The following TENM2 variants were observed in gnomAD, a reference collection of about 807,000 sequenced individuals.
TENM2 encodes teneurin-2.
In TENM2, 52 loss-of-function variants were observed where a neutral mutation model predicts 245.2. That is an observed-to-expected ratio of 0.21 (90% confidence interval 0.17 to 0.27). TENM2 has a LOEUF of 0.27. Ranked by LOEUF, TENM2 falls within the 10% of genes least tolerant of loss-of-function variation. The pLI is 1.00. For missense variants in TENM2, 3,046 were observed against 3,666.8 expected (o/e 0.83, Z 4.37); for synonymous variants, 1,363 against 1,438.9 (o/e 0.95, Z 1.19).
the TENM2 span, among the ~76,000 whole-genome samples, chr5:166,990,613 T>G: frequency 6.6e-6 from 1 of 152,170 alleles, no homozygotes; most frequent in Non-Finnish European, 1.5e-5. Flanking sequence ...CGGAGATGGT[T>G]TTTTACCGAC....
chr5:168,218,863 A>T lies in TENM2; in HGVS notation c.4972A>T (p.Thr1658Ser). The stretch of plus-strand genomic sequence containing the variant: ...GCTCATGCCTGACAACCAGATCATC[A>T]CCCTCACCGTGGGCACCAATGGAGG... The change falls in exon 23 of 29, where the codon ACC (threonine) becomes TCC (serine). Residue 1658 changes from threonine (T) to serine (S), a missense_variant. Around this residue, in one of 2 missense-constraint regions of TENM2, gnomAD observed 2,704 missense variants for 3,331.9 expected, o/e 0.81. Transcript: ENST00000518659. This position sits in a 1 kb window ranked among gnomAD's most constrained non-coding sequence, Gnocchi z 5.2. 1 of 1,613,886 alleles carries T rather than the reference A, an allele frequency of 6.2e-7. No individual in the cohort carries two copies. The highest frequency in any genetic ancestry group is 8.5e-7 in the Non-Finnish European group (1 of 1,179,876).
chr5:166,984,553 T>C, the TENM2 span, among the ~76,000 whole-genome samples: 1 of 152,122 alleles, frequency 6.6e-6, no homozygotes, highest in Non-Finnish European at 1.5e-5. Flanking sequence ...AAATAATTAC[T>C]TCAGAAAATT....
At chr5:167,602,815 A>C (rs1358583097) in intron 2 of TENM2, among the ~76,000 whole-genome samples, 1 of 152,194 alleles carries the variant, frequency 6.6e-6, no homozygotes, top group African/African-American at 2.4e-5. Flanking sequence ...TGCATAAACA[A>C]GGGGCAAAAG....
intron 2 of TENM2, among the ~76,000 whole-genome samples, chr5:167,701,324 G>A (rs546117721): frequency 7.2e-5 from 11 of 151,826 alleles, no homozygotes; most frequent in Admixed American, 2.6e-4. Flanking sequence ...ATGAAGTTAT[G>A]AATCTATGAA....
chr5:167,357,752 A>G (rs1373694827), intron 1 of TENM2, among the ~76,000 whole-genome samples: 2 of 152,202 alleles, frequency 1.3e-5, no homozygotes, highest in Non-Finnish European at 2.9e-5. Context: ...TTAAATTTCA[A>G]GTAGTCCTTT....
chr5:167,159,738 G>C, the TENM2 span, among the ~76,000 whole-genome samples: 2 of 152,146 alleles, frequency 1.3e-5, no homozygotes, highest in Non-Finnish European at 2.9e-5. Flanking sequence ...GCCCACAAGA[G>C]AACCCCCACA....
chr5:167,446,277 A>T (rs1037346638), intron 2 of TENM2, among the ~76,000 whole-genome samples: 1 of 152,166 alleles, frequency 6.6e-6, no homozygotes, highest in South Asian at 2.1e-4. Flanking sequence ...TATTGATGAG[A>T]TCCATCCAGA....
the TENM2 span, among the ~76,000 whole-genome samples, chr5:167,036,691 A>C: frequency 6.6e-6 from 1 of 152,196 alleles, no homozygotes; most frequent in Non-Finnish European, 1.5e-5. Context: ...TTGAGTAAGA[A>C]GAACCAAATG....
intron 1 of TENM2, among the ~76,000 whole-genome samples, chr5:167,345,816 A>T (rs1004678448): frequency 3.3e-5 from 5 of 151,578 alleles, no homozygotes; most frequent in African/African-American, 1.2e-4. Flanking sequence ...TCTTTTTGAG[A>T]GGACACTTTT....
the TENM2 span, among the ~76,000 whole-genome samples, chr5:167,055,681 T>A: frequency 6.6e-6 from 1 of 152,102 alleles, no homozygotes; most frequent in Non-Finnish European, 1.5e-5. Context: ...ATGTAAATGA[T>A]ACTGTGTTTT....
chr5:167,577,115 G>A (rs1774751055), intron 2 of TENM2, among the ~76,000 whole-genome samples: 1 of 152,118 alleles, frequency 6.6e-6, no homozygotes, highest in African/African-American at 2.4e-5. Flanking sequence ...TCCCAGAGGA[G>A]CCCAGGAATC....
rs563846205 is a variant in TENM2 at position 167,463,691 on chromosome 5, G to T, written c.502+88218G>T. Reference sequence around the variant, plus strand: ...TGTTTGTATTTTTAGTAGAGAAGGGGTTTCACCATGGCCAGGCTTGTCTTG... The same window carrying T: ...TGTTTGTATTTTTAGTAGAGAAGGGTTTTCACCATGGCCAGGCTTGTCTTG... On this transcript the variant is annotated intron_variant, in intron 2 of 28. Coordinates refer to ENST00000518659, the Ensembl canonical transcript of TENM2. 5.9e-5 allele frequency among the ~76,000 whole-genome samples: 9 copies of T among 152,106 alleles called. No homozygotes were observed. The East Asian group carries it at 1.6e-3, about 26-fold the overall frequency.
intron 1 of TENM2, among the ~76,000 whole-genome samples, chr5:167,353,500 G>GTTTTTTTTTTTTTTTTTTTT (rs59240930): frequency 1.5e-4 from 12 of 79,440 alleles, no homozygotes; most frequent in Admixed American, 2.1e-4. Context: ...TGTTGTTGTT[G>GTTTTTTTTTTTTTTTTTTTT]TTTTTTTTTT....
intron 2 of TENM2, among the ~76,000 whole-genome samples, chr5:167,600,088 T>TAGCCAACACTGCACCACTCCA (rs1314946515): frequency 5.4e-5 from 8 of 149,522 alleles, no homozygotes; most frequent in South Asian, 2.2e-4. Flanking sequence ...GGAGTTTGCT[T>TAGCCAACACTGCACCACTCCA]CATTTATAGG....
intron 20 of TENM2, among the ~76,000 whole-genome samples, chr5:168,212,999 T>C (rs929825677): frequency 1.3e-5 from 2 of 152,174 alleles, no homozygotes; most frequent in Non-Finnish European, 2.9e-5. Context: ...ATTAATTATC[T>C]CTCTCATAGG....
intron 13 of TENM2, among the ~76,000 whole-genome samples, chr5:168,182,591 T>C (rs1382512576): frequency 6.6e-6 from 1 of 152,158 alleles, no homozygotes; most frequent in Non-Finnish European, 1.5e-5. Flanking sequence ...TTGTTTGCTG[T>C]TTTTCAAACT....
chr5:167,500,183 A>C (rs1225288470), intron 2 of TENM2, among the ~76,000 whole-genome samples: 1 of 151,940 alleles, frequency 6.6e-6, no homozygotes, highest in Non-Finnish European at 1.5e-5. Flanking sequence ...AGTGTGAAAT[A>C]GATCTGCCAG....
chr5:167,367,693 C>T (rs1286064366), intron 1 of TENM2, among the ~76,000 whole-genome samples: 5 of 151,538 alleles, frequency 3.3e-5, no homozygotes, highest in Non-Finnish European at 7.4e-5. Context: ...GGTTTTAAAC[C>T]GATTATTTTG....
chr5:167,762,898 A>G (rs189447770), intron 2 of TENM2, among the ~76,000 whole-genome samples: 90 of 152,330 alleles, frequency 5.9e-4, no homozygotes, highest in African/African-American at 2.1e-3. Flanking sequence ...GCTACAGAAC[A>G]TCTGCCATGT....
Sources: allele counts gnomAD v4.1 joint callset (sites outside exome capture counted in the v4.1 genomes callset), GRCh38; gene constraint gnomAD v4.1.1; regional missense constraint gnomAD v4.1.1; non-coding constraint Gnocchi (gnomAD v3.1); transcripts MANE v1.5; gene names NCBI Gene and HGNC (gene_info 2026-07-23, HGNC 2026-07-21).